NOX4: variants seen among roughly 807,000 people sequenced by gnomAD.
The protein encoded by NOX4 is NADPH oxidase 4.
Under a neutral mutation model 87.6 loss-of-function variants are expected in NOX4, and 69 were observed. That is an observed-to-expected ratio of 0.79 (90% CI 0.65 to 0.96). NOX4 has a LOEUF of 0.96. Among genes scored for constraint, NOX4 ranks in the 40% least tolerant of loss-of-function variants. The pLI, the probability that NOX4 is intolerant of heterozygous loss-of-function variation, is 0.00. For missense variants in NOX4, 680 were observed against 681.5 expected (o/e 1.00, Z 0.02); for synonymous variants, 275 against 238.2 (o/e 1.15, Z -1.42).
chr11:89,565,578 T>G, the NOX4 span, among the ~76,000 whole-genome samples: 1 of 152,284 alleles, frequency 6.6e-6, no homozygotes, highest in Admixed American at 6.5e-5. Context: ...CATTGGATAA[T>G]ATTTTAACAA....
chr11:89,361,322 C>T (rs1415220487), intron 12 of NOX4, among the ~76,000 whole-genome samples: 13 of 152,004 alleles, frequency 8.6e-5, no homozygotes, highest in Non-Finnish European at 1.2e-4. Flanking sequence ...AGCTGGAGGC[C>T]ATTATTGTAA....
At chr11:89,565,748 A>G in the NOX4 span, among the ~76,000 whole-genome samples, 1 of 152,006 alleles carries the variant, frequency 6.6e-6, no homozygotes, top group African/African-American at 2.4e-5. Flanking sequence ...GAAAAATTTC[A>G]TCTATTCCTA....
chr11:89,403,814 C>T (rs1942016461), intron 8 of NOX4, among the ~76,000 whole-genome samples: 1 of 152,152 alleles, frequency 6.6e-6, no homozygotes, highest in Non-Finnish European at 1.5e-5. Flanking sequence ...TATAATGATA[C>T]TAAGAGATCC....
At chr11:89,435,949 T>C (rs1389123764) in intron 6 of NOX4, among the ~76,000 whole-genome samples, 1 of 152,126 alleles carries the variant, frequency 6.6e-6, no homozygotes, top group Non-Finnish European at 1.5e-5. Context: ...AGATTTCAGA[T>C]CAATGAAGAA....
intron 11 of NOX4, among the ~76,000 whole-genome samples, chr11:89,391,009 G>A (rs991186556): frequency 1.3e-5 from 2 of 152,140 alleles, no homozygotes; most frequent in African/African-American, 4.8e-5. Flanking sequence ...GCTATAAAGA[G>A]ATGGGGGAAG....
chr11:89,387,678 A>T (rs965441716), intron 11 of NOX4, among the ~76,000 whole-genome samples: 7 of 152,196 alleles, frequency 4.6e-5, no homozygotes, highest in African/African-American at 1.7e-4. Flanking sequence ...GAATCCATGA[A>T]ATTAGTATGA....
At chr11:89,378,644 A>G (rs1252443296) in intron 11 of NOX4, among the ~76,000 whole-genome samples, 1 of 152,180 alleles carries the variant, frequency 6.6e-6, no homozygotes. Context: ...TGGAAGAAAA[A>G]TATAGGAGAA....
intron 2 of NOX4, among the ~76,000 whole-genome samples, chr11:89,476,781 T>A (rs1282842200): frequency 6.6e-6 from 1 of 152,166 alleles, no homozygotes; most frequent in Non-Finnish European, 1.5e-5. Context: ...TGGAATACCA[T>A]GTAGCAGTTG....
the NOX4 span, among the ~76,000 whole-genome samples, chr11:89,518,059 A>G: frequency 6.6e-6 from 1 of 152,090 alleles, no homozygotes; most frequent in Non-Finnish European, 1.5e-5. Flanking sequence ...ACACAAACTA[A>G]ATCCCAAAAT....
chr11:89,506,370 A>G, the NOX4 span, among the ~76,000 whole-genome samples: 1 of 151,690 alleles, frequency 6.6e-6, no homozygotes. Context: ...AGAAAGGAAC[A>G]AAGGAAAAAA....
chr11:89,418,420 G>GATA (rs1363071273), intron 8 of NOX4, among the ~76,000 whole-genome samples: 12 of 92,296 alleles, frequency 1.3e-4, no homozygotes, highest in Admixed American at 4.7e-4. Context: ...GCTGAACATT[G>GATA]AGAATAATAA....
the NOX4 span, among the ~76,000 whole-genome samples, chr11:89,567,854 G>C: frequency 6.6e-6 from 1 of 152,188 alleles, no homozygotes; most frequent in African/African-American, 2.4e-5. Flanking sequence ...TGTGCATGGA[G>C]ACCCAGCCAC....
intron 11 of NOX4, among the ~76,000 whole-genome samples, chr11:89,384,184 T>C (rs971543431): frequency 3.0e-4 from 46 of 152,108 alleles, no homozygotes; most frequent in Non-Finnish European, 1.8e-4. Context: ...TACTCTCCTA[T>C]CTGCAATACC....
At chr11:89,535,987 G>A in the NOX4 span, among the ~76,000 whole-genome samples, 7 of 151,936 alleles carry the variant, frequency 4.6e-5, no homozygotes, top group Non-Finnish European at 7.4e-5. Context: ...TTTCTTACCC[G>A]GAAAACTTTA....
At chr11:89,538,078 T>A in the NOX4 span, among the ~76,000 whole-genome samples, 1 of 152,230 alleles carries the variant, frequency 6.6e-6, no homozygotes, top group African/African-American at 2.4e-5. Context: ...TGTCTTGTTT[T>A]GTTTTAACAA....
At chr11:89,372,807 T>C (rs1396473435) in intron 12 of NOX4, among the ~76,000 whole-genome samples, 1 of 151,968 alleles carries the variant, frequency 6.6e-6, no homozygotes, top group Non-Finnish European at 1.5e-5. Context: ...CAAGCCAACA[T>C]TTACTGAGTA....
intron 12 of NOX4, among the ~76,000 whole-genome samples, chr11:89,368,756 A>C (rs1282930160): frequency 1.3e-5 from 2 of 152,014 alleles, no homozygotes; most frequent in African/African-American, 4.8e-5. Context: ...ATTTCTGTGG[A>C]ATAACTACTA....
At chr11:89,479,514 A>G (rs1053210637) in intron 2 of NOX4, among the ~76,000 whole-genome samples, 1 of 152,150 alleles carries the variant, frequency 6.6e-6, no homozygotes, top group Non-Finnish European at 1.5e-5. Context: ...ATATAAAATT[A>G]TTATACTTTG....
At chr11:89,516,481 CT>C in the NOX4 span, among the ~76,000 whole-genome samples, 1 of 151,910 alleles carries the variant, frequency 6.6e-6, no homozygotes, top group African/African-American at 2.4e-5. Flanking sequence ...CAATCTCAGG[CT>C]TTTTTTTAAA....
Sources: gnomAD v4.1 joint callset for allele counts (sites outside exome capture counted in the v4.1 genomes callset) on GRCh38, gnomAD v4.1.1 for gene constraint, MANE v1.5 for transcripts, NCBI Gene and HGNC (gene_info 2026-07-23, HGNC 2026-07-21) for gene names.